The following SORT1 variants were observed in gnomAD, a reference collection of about 807,000 sequenced individuals.
SORT1 encodes sortilin.
Under a neutral mutation model 101.7 loss-of-function variants are expected in SORT1, and 39 were observed. The observed-to-expected ratio is 0.38, with a 90% CI of 0.30 to 0.50. The LOEUF (loss-of-function observed/expected upper bound fraction) is 0.50. SORT1 is among the 20% of genes least tolerant of loss of function. The pLI is 0.90. For synonymous variants in SORT1, 396 were observed against 393.7 expected (o/e 1.01, Z -0.07); for missense variants, 878 against 1,040.4 (o/e 0.84, Z 2.15).
chr1:109,382,292 T>C (rs1557824946), intron 1 of SORT1, among the ~76,000 whole-genome samples: 1 of 152,102 alleles, frequency 6.6e-6, no homozygotes, highest in Non-Finnish European at 1.5e-5. Context: ...CATGCCACCA[T>C]GCCTGGCTAA....
chr1:109,373,708 C>T (rs1651639766), intron 1 of SORT1, among the ~76,000 whole-genome samples: 1 of 152,146 alleles, frequency 6.6e-6, no homozygotes, highest in African/African-American at 2.4e-5. Flanking sequence ...AACCAGTGTT[C>T]CAGAACAAAG....
chr1:109,369,077 T>C (rs949443273), intron 2 of SORT1, among the ~76,000 whole-genome samples: 2 of 152,100 alleles, frequency 1.3e-5, no homozygotes, highest in Non-Finnish European at 2.9e-5. Flanking sequence ...CCCAGCACTT[T>C]TGGGAGGCTG....
rs1651328051 is a variant in SORT1 at position 109,369,386 on chromosome 1, A to C, written c.366+144T>G. The C allele has an allele frequency of 1.2e-5, 7 of 602,926 alleles. No individual in the cohort carries two copies. In the South Asian group the frequency reaches 1.4e-4, roughly 12 times the overall value. 37.3% of individuals were successfully genotyped at this position (602,926 alleles called of 1,614,324 possible). ...AAACCAACACAACTACAACTTCCTG[A>C]AAGTCTGTCTTGCAAACATGTGTTT... On this transcript the variant is annotated intron_variant, in intron 2 of 19. Coordinates refer to ENST00000256637, the MANE Select transcript of SORT1 (RefSeq NM_002959.7).
At chr1:109,374,445 G>C (rs1438389317) in intron 1 of SORT1, among the ~76,000 whole-genome samples, 1 of 151,978 alleles carries the variant, frequency 6.6e-6, no homozygotes, top group Non-Finnish European at 1.5e-5. Context: ...CTAAAAATTA[G>C]CCAAGTGTGG....
chr1:109,318,438 C>T (rs1224770064), intron 15 of SORT1, among the ~76,000 whole-genome samples: 1 of 152,164 alleles, frequency 6.6e-6, no homozygotes, highest in Non-Finnish European at 1.5e-5. Flanking sequence ...GTGTGAGCCA[C>T]CGTGCCCCGC....
intron 11 of SORT1, among the ~76,000 whole-genome samples, chr1:109,330,268 T>C (rs1477336346): frequency 2.6e-5 from 4 of 152,196 alleles, no homozygotes; most frequent in Admixed American, 2.0e-4. Flanking sequence ...GCAAGGATTA[T>C]AGGCGTGAGC....
intron 3 of SORT1, among the ~76,000 whole-genome samples, chr1:109,365,173 T>G (rs1293659797): frequency 6.6e-6 from 1 of 152,186 alleles, no homozygotes. Flanking sequence ...TATAATATGA[T>G]TATACTGCTT....
chr1:109,393,070 A>C, intron 1 of SORT1: 1 of 985,352 alleles, frequency 1.0e-6, no homozygotes, highest in Non-Finnish European at 1.2e-6. Flanking sequence ...ATTCACAACA[A>C]CAGGCCGAGG....
chr1:109,361,080 T>A (rs1201338903), intron 3 of SORT1, among the ~76,000 whole-genome samples: 3 of 152,238 alleles, frequency 2.0e-5, no homozygotes, highest in Non-Finnish European at 1.5e-5. Context: ...CTGTGCAATT[T>A]AGATAGACTG....
chr1:109,327,911 A>G (rs981686643), intron 11 of SORT1, among the ~76,000 whole-genome samples: 1 of 152,290 alleles, frequency 6.6e-6, no homozygotes, highest in African/African-American at 2.4e-5. Flanking sequence ...TATGATTTTT[A>G]CCATATTACT....
intron 13 of SORT1, among the ~76,000 whole-genome samples, chr1:109,326,468 TAC>T (rs758005459): frequency 0.25 from 15,807 of 62,414 alleles, 1,785 homozygotes; most frequent in Middle Eastern, 0.35. Flanking sequence ...TATATATACA[TAC>T]ACACACACAC....
intron 17 of SORT1, 35 bp from the exon 18 acceptor site, chr1:109,314,813 G>A (rs373721142): frequency 5.7e-6 from 7 of 1,226,858 alleles, no homozygotes; most frequent in Admixed American, 1.7e-5. Context: ...AAAAGTTTTA[G>A]GCATGCATAT....
chr1:109,349,867 T>C (rs1381463857), intron 6 of SORT1, among the ~76,000 whole-genome samples: 1 of 152,266 alleles, frequency 6.6e-6, no homozygotes, highest in Non-Finnish European at 1.5e-5. Context: ...ATCTGTATTC[T>C]ACACTTTCCT....
At chr1:109,325,185 A>C in intron 13 of SORT1, 96 bp from the exon 14 acceptor site, 1 of 625,546 alleles carries the variant, frequency 1.6e-6, no homozygotes, top group South Asian at 3.3e-5. Context: ...ACCAGACAAA[A>C]CCCCTTACAT....
intron 6 of SORT1, among the ~76,000 whole-genome samples, chr1:109,350,125 T>C (rs919258700): frequency 6.6e-6 from 1 of 152,236 alleles, no homozygotes; most frequent in Non-Finnish European, 1.5e-5. Flanking sequence ...CAGTTACATA[T>C]CCTACCTCTG....
intron 10 of SORT1, among the ~76,000 whole-genome samples, chr1:109,337,711 T>TC (rs1233766390): frequency 6.6e-6 from 1 of 152,156 alleles, no homozygotes; most frequent in Non-Finnish European, 1.5e-5. Flanking sequence ...CACTGCAACC[T>TC]CTGCCTCCCG....
At position 109,329,372 on chromosome 1, in the gene SORT1, G is replaced by A. The variant is rs368535431; in HGVS notation, c.1372-1771C>T. On this transcript the variant is annotated intron_variant, in intron 11 of 19. Transcript: ENST00000256637. ...GGGTTCATGCCATTCTCCTGCCTCA[G>A]CCTCCCAAGTAGCTGGGACTACAGG... Among the ~76,000 whole-genome samples the A allele has an allele frequency of 5.3e-5, 8 of 152,204 alleles. No individual in the cohort carries two copies. The East Asian group carries it at 1.4e-3, about 26-fold the overall frequency.
intron 1 of SORT1, chr1:109,392,830 C>T (rs1299950986): frequency 1.0e-6 from 1 of 985,148 alleles, no homozygotes; most frequent in African/African-American, 1.7e-5. Context: ...GTTTCGCTCA[C>T]TCTGCTCAAC....
chr1:109,353,934 G>C (rs545222347), intron 5 of SORT1, among the ~76,000 whole-genome samples: 8 of 152,106 alleles, frequency 5.3e-5, no homozygotes, highest in Non-Finnish European at 8.8e-5. Flanking sequence ...TAATACATGA[G>C]GGTCAAAGAC....
Sources: gnomAD v4.1 joint callset for allele counts (sites outside exome capture counted in the v4.1 genomes callset) on GRCh38, gnomAD v4.1.1 for gene constraint, MANE v1.5 for transcripts, NCBI Gene and HGNC (gene_info 2026-07-23, HGNC 2026-07-21) for gene names.